The following SYN3 variants were observed in gnomAD, a reference collection of about 807,000 sequenced individuals.
The protein encoded by SYN3 is synapsin III.
Under a neutral mutation model 65.8 loss-of-function variants are expected in SYN3, and 35 were observed. The observed-to-expected ratio is 0.53, with a 90% confidence interval of 0.41 to 0.70. The LOEUF (loss-of-function observed/expected upper bound fraction) is 0.70. Ranked by LOEUF, SYN3 falls within the 30% of genes least tolerant of loss-of-function variation. SYN3 has a pLI of 0.00. For synonymous variants in SYN3, 270 were observed against 292.9 expected (o/e 0.92, Z 0.80); for missense variants, 680 against 749.0 (o/e 0.91, Z 1.08).
chr22:32,518,788 G>A (rs1389907588), intron 12 of SYN3, among the ~76,000 whole-genome samples: 1 of 152,082 alleles, frequency 6.6e-6, no homozygotes, highest in Non-Finnish European at 1.5e-5. Flanking sequence ...AGTGAGTCTC[G>A]GGCTGCGTTA....
At chr22:32,769,258 T>C (rs1295803101) in intron 6 of SYN3, among the ~76,000 whole-genome samples, 1 of 150,568 alleles carries the variant, frequency 6.6e-6, no homozygotes, top group African/African-American at 2.5e-5. Flanking sequence ...CTCTCTTTCA[T>C]TCTCTCTCGA....
intron 6 of SYN3, among the ~76,000 whole-genome samples, chr22:32,657,403 G>A (rs1202728493): frequency 6.6e-6 from 1 of 151,076 alleles, no homozygotes; most frequent in Non-Finnish European, 1.5e-5. Flanking sequence ...GATTATAGGC[G>A]TGAGCCACCG....
At chr22:32,928,447 A>AAC (rs1162012846) in intron 4 of SYN3, among the ~76,000 whole-genome samples, 2 of 152,370 alleles carry the variant, frequency 1.3e-5, no homozygotes, top group African/African-American at 4.8e-5. Flanking sequence ...AGTTGGGCAA[A>AAC]ATCTTTGAAC....
intron 6 of SYN3, among the ~76,000 whole-genome samples, chr22:32,718,598 C>T (rs1192862095): frequency 2.1e-5 from 3 of 146,208 alleles, no homozygotes; most frequent in Non-Finnish European, 4.5e-5. Context: ...TTTATATGTT[C>T]AAGGAAATAA....
intron 6 of SYN3, among the ~76,000 whole-genome samples, chr22:32,667,083 C>T (rs1489347049): frequency 1.3e-5 from 2 of 152,192 alleles, no homozygotes; most frequent in African/African-American, 2.4e-5. Flanking sequence ...AATTATGCCC[C>T]TTTTTGTTTT....
At chr22:33,006,984 C>G (rs187812756) in intron 1 of SYN3, among the ~76,000 whole-genome samples, 160 bp from the exon 2 acceptor site, 1 of 152,186 alleles carries the variant, frequency 6.6e-6, no homozygotes, top group Non-Finnish European at 1.5e-5. Context: ...AGCTTTTTAA[C>G]CTACAATTTC....
intron 3 of SYN3, among the ~76,000 whole-genome samples, chr22:32,963,571 A>G (rs1035073058): frequency 6.6e-6 from 1 of 152,168 alleles, no homozygotes; most frequent in African/African-American, 2.4e-5. Context: ...CATTATATAG[A>G]AATAACACTT....
intron 6 of SYN3, among the ~76,000 whole-genome samples, chr22:32,855,038 T>C (rs1343206191): frequency 2.0e-5 from 3 of 152,216 alleles, no homozygotes; most frequent in African/African-American, 7.2e-5. Flanking sequence ...TTTGTATTAA[T>C]TACTGTAGGT....
At chr22:32,577,025 C>G (rs989496073) in intron 7 of SYN3, among the ~76,000 whole-genome samples, 1 of 152,178 alleles carries the variant, frequency 6.6e-6, no homozygotes, top group African/African-American at 2.4e-5. Flanking sequence ...CTTGTCCACA[C>G]TGGCTTCACA....
intron 6 of SYN3, among the ~76,000 whole-genome samples, chr22:32,809,403 C>T (rs927104246): frequency 3.3e-5 from 5 of 152,188 alleles, no homozygotes; most frequent in Admixed American, 2.6e-4. Context: ...TCCAGACATG[C>T]CTTCCCTGCT....
intron 6 of SYN3, among the ~76,000 whole-genome samples, chr22:32,764,734 A>G (rs890896177): frequency 3.9e-5 from 6 of 152,144 alleles, no homozygotes; most frequent in South Asian, 2.1e-4. Context: ...TGCAAATTCT[A>G]TCTCCTGACT....
chr22:33,026,819 C>T (rs572189161), intron 1 of SYN3, among the ~76,000 whole-genome samples: 80 of 152,310 alleles, frequency 5.3e-4, no homozygotes, highest in African/African-American at 1.9e-3. Flanking sequence ...ACAAAGAAAA[C>T]CCAGAAAGCA....
intron 13 of SYN3, among the ~76,000 whole-genome samples, chr22:32,515,947 C>T (rs764563901): frequency 4.6e-5 from 7 of 152,100 alleles, no homozygotes; most frequent in African/African-American, 9.7e-5. Context: ...TACAGGCGCA[C>T]GCTGCCGCGC....
At chr22:32,568,682 G>A (rs544091664) in intron 7 of SYN3, among the ~76,000 whole-genome samples, 2 of 152,096 alleles carry the variant, frequency 1.3e-5, no homozygotes, top group African/African-American at 4.8e-5. Context: ...ATGACCTCCC[G>A]AAGGCTCCAC....
intron 1 of SYN3, among the ~76,000 whole-genome samples, chr22:33,035,345 GCC>G (rs2053839721): frequency 5.8e-5 from 2 of 34,212 alleles, no homozygotes; most frequent in African/African-American, 2.1e-4. Context: ...CCCCCCCCCC[GCC>G]ACCAAACTTC....
chr22:33,039,031 T>C (rs1601946701), intron 1 of SYN3, among the ~76,000 whole-genome samples: 1 of 152,246 alleles, frequency 6.6e-6, no homozygotes, highest in East Asian at 1.9e-4. Flanking sequence ...CAGGGCCCCT[T>C]CTCCATAAAG....
At chr22:32,646,625 G>A (rs989923463) in intron 6 of SYN3, among the ~76,000 whole-genome samples, 1 of 152,174 alleles carries the variant, frequency 6.6e-6, no homozygotes, top group African/African-American at 2.4e-5. Flanking sequence ...CAAATACAGC[G>A]TTATGGGAGC....
At chr22:32,779,586 G>A (rs1000721772) in intron 6 of SYN3, among the ~76,000 whole-genome samples, 4 of 152,248 alleles carry the variant, frequency 2.6e-5, no homozygotes, top group African/African-American at 4.8e-5. Flanking sequence ...TCTCCGAAGC[G>A]GGCATTATTA....
chr22:32,813,516 C>T (rs904916873), intron 6 of SYN3, among the ~76,000 whole-genome samples: 8 of 147,334 alleles, frequency 5.4e-5, no homozygotes, highest in African/African-American at 1.6e-4. Flanking sequence ...CACACACACA[C>T]ACACACACAC....
Sources: gnomAD v4.1 joint callset for allele counts (sites outside exome capture counted in the v4.1 genomes callset) on GRCh38, gnomAD v4.1.1 for gene constraint, MANE v1.5 for transcripts, NCBI Gene and HGNC (gene_info 2026-07-23, HGNC 2026-07-21) for gene names.